The following VWF variants were observed in gnomAD, a reference collection of about 807,000 sequenced individuals.
The protein encoded by VWF is von Willebrand factor, also known as Factor VIII related antigen.
Under a neutral mutation model 308.6 loss-of-function variants are expected in VWF, and 176 were observed. The ratio of observed to expected loss-of-function variants is 0.57; its 90% CI spans 0.50 to 0.65. The LOEUF (loss-of-function observed/expected upper bound fraction) is 0.65, where lower values mean the gene tolerates loss of function less well. VWF is among the 30% of genes least tolerant of loss of function. The pLI is 0.00. For missense variants in VWF, 3,146 were observed against 3,648.2 expected (o/e 0.86, Z 3.55); for synonymous variants, 1,385 against 1,443.4 (o/e 0.96, Z 0.92).
chr12:6,018,445 G>C lies in VWF; in HGVS notation c.4973C>G (p.Pro1658Arg), dbSNP rs1202328622. ...PILIQDFETL[P>R]REAPDLVLQR... ...CAGCACCAGGTCAGGAGCCTCTCGG[G>C]GGAGCGTCTCAAAGTCCTGGATGAG... Residue 1658 changes from proline (P) to arginine (R), a missense_variant, in exon 28 of 52, where the codon CCC (proline) becomes CGC (arginine). Transcript: ENST00000261405. 6.2e-7 allele frequency: 1 copy of C among 1,613,080 alleles called. No homozygotes were observed. Among genetic ancestry groups the C allele is most frequent in the East Asian group, 2.2e-5 (1 of 44,842 alleles).
At chr12:6,089,962 CT>C (rs56198206) in intron 6 of VWF, among the ~76,000 whole-genome samples, 1 of 150,646 alleles carries the variant, frequency 6.6e-6, no homozygotes, top group African/African-American at 2.4e-5. Flanking sequence ...CCTCTTTTTT[CT>C]TTTTTTTTGT....
chr12:6,115,953 A>G (rs1945360191), intron 3 of VWF, among the ~76,000 whole-genome samples: 1 of 152,112 alleles, frequency 6.6e-6, no homozygotes, highest in African/African-American at 2.4e-5. Flanking sequence ...CCCTTTTTGC[A>G]ACACAAAGCT....
rs1044043913 is a variant in VWF at position 6,058,620 on chromosome 12, G to A, written c.1534-576C>T. ...CCACAACCTGCTGCCTGCCACTCAG[G>A]CCCTGGGCATCACTGAAGAGAAAGG... On this transcript the variant is annotated intron_variant, in intron 13 of 51. Transcript: ENST00000261405. The surrounding 1 kb of genome is among the most constrained non-coding windows in gnomAD (Gnocchi z 4.9). 5.9e-5 allele frequency among the ~76,000 whole-genome samples: 9 copies of A among 152,158 alleles called. No individual in the cohort carries two copies. The highest frequency in any genetic ancestry group is 1.7e-4 in the African/African-American group (7 of 41,432).
In VWF at chr12:5,953,506, A is replaced by G. The variant is rs1943217227; in HGVS notation, c.7976T>C (p.Met2659Thr). The G allele has an allele frequency of 6.2e-7, 1 of 1,614,116 alleles. No homozygotes were observed. The stretch of plus-strand genomic sequence containing the variant: ...TCAGCTTGCTCCTACCTTCAGTGTC[A>G]TGATCTGTCCTCCTCTTAGCTGAAT... ...CTIQLRGGQI[M>T]TLKRDETLQD... Residue 2659 changes from methionine to threonine, a missense_variant, in exon 48 of 52, where the codon ATG (methionine) becomes ACG (threonine). Physicochemically the swap from Met to Thr is moderately conservative, Grantham distance 81. Coordinates refer to ENST00000261405, the MANE Select transcript of VWF (RefSeq NM_000552.5).
At position 5,971,429 on chromosome 12, in the gene VWF, G is replaced by A. The variant is rs11063965; in HGVS notation, c.7548+170C>T. Among the ~76,000 whole-genome samples the A allele has an allele frequency of 0.67, 101,364 of 152,144 alleles. 34,521 individuals carry two copies. Among genetic ancestry groups the A allele is most frequent in the Middle Eastern group, 0.78 (229 of 294 alleles). On this transcript the variant is annotated intron_variant, in intron 44 of 51. Transcript: ENST00000261405. ...TGGGAAGGCTGAGGCCGTCTTAACT[G>A]GTTCCTAAGGGGCAGGTCATCCCAG...
At chr12:6,032,977 C>T (rs1944288887) in intron 20 of VWF, among the ~76,000 whole-genome samples, 2 of 151,306 alleles carry the variant, frequency 1.3e-5, no homozygotes, top group Admixed American at 1.3e-4. Context: ...CACAGTCACA[C>T]ACACGCACAT....
Position 6,018,060 on chromosome 12 carries a change from ATTT to A in VWF, c.5053+302_5053+304del, listed in dbSNP as rs67479635. ...GGCTGTGTGATAAAGTAAGACTTGC[ATTT>A]TTTTTTTTTTTTTACTCCTTATTGG... On this transcript the variant is annotated intron_variant, in intron 28 of 51. Coordinates refer to ENST00000261405, the MANE Select transcript of VWF (RefSeq NM_000552.5). 1.3e-4 allele frequency among the ~76,000 whole-genome samples: 19 copies of A among 146,482 alleles called. No homozygotes were observed. The East Asian group carries it at 2.0e-3, about 15-fold the overall frequency.
In VWF at chr12:6,075,470, C is replaced by G; in HGVS notation, c.739G>C (p.Val247Leu). The G allele has an allele frequency of 6.2e-7, 1 of 1,614,212 alleles. No individual in the cohort carries two copies. The highest frequency in any genetic ancestry group is 8.5e-7 in the Non-Finnish European group (1 of 1,180,044). Reference sequence around the variant, plus strand: ...CACAAAGTCTTCTCACACAGGGCCACAAAAGGCTCGGGGTCCACCAGAGGG... The same window carrying G: ...CACAAAGTCTTCTCACACAGGGCCAGAAAAGGCTCGGGGTCCACCAGAGGG... ...CHPLVDPEPFVALCEKTLCEC... is the reference protein window; with the variant it reads ...CHPLVDPEPFLALCEKTLCEC... Residue 247 changes from valine (V) to leucine (L), a missense_variant, in exon 7 of 52, where the codon GTG (valine) becomes CTG (leucine). Val to Leu is a conservative substitution (Grantham distance 32). Around this residue, in one of 3 missense-constraint regions of VWF, gnomAD observed 1,304 missense variants for 1,353.0 expected, o/e 0.96. Transcript: ENST00000261405. The surrounding 1 kb of genome is among the most constrained non-coding windows in gnomAD (Gnocchi z 4.7).
rs1225735704 is a variant in VWF, at chr12:5,951,935, G to A, written c.8116-52C>T. On this transcript the variant is annotated intron_variant, in intron 49 of 51. Coordinates refer to ENST00000261405, the MANE Select transcript of VWF (RefSeq NM_000552.5). ...AGGCACAAACAGTACAGAGTAGACAGCTTTCAGGTCACTCCGGGCCAATTT... is the reference window on the plus strand; with the variant it reads ...AGGCACAAACAGTACAGAGTAGACAACTTTCAGGTCACTCCGGGCCAATTT... 4 of 1,600,348 alleles carry A rather than the reference G, an allele frequency of 2.5e-6. No homozygotes were observed. The East Asian group carries it at 8.9e-5, about 36-fold the overall frequency.
intron 6 of VWF, among the ~76,000 whole-genome samples, chr12:6,082,253 C>T (rs1944921456): frequency 6.6e-6 from 1 of 152,290 alleles, no homozygotes; most frequent in African/African-American, 2.4e-5. Flanking sequence ...GCGTGAGCCA[C>T]CGCGCCTGGC....
chr12:5,969,057 C>G (rs993842902), intron 45 of VWF, among the ~76,000 whole-genome samples, 154 bp downstream of exon 45: 53 of 152,178 alleles, frequency 3.5e-4, no homozygotes, highest in African/African-American at 1.2e-3. Context: ...ATTTAATTTG[C>G]TTTCTCATAA....
Position 6,046,888 on chromosome 12 carries a change from C to A in VWF, c.2187-71G>T. On this transcript the variant is annotated intron_variant, in intron 16 of 51. Transcript: ENST00000261405. The surrounding 1 kb of genome is among the most constrained non-coding windows in gnomAD (Gnocchi z 5.0). ...ACTCGCTGCCTCCACATCTTCACCT[C>A]CCACTCACTCTCTGCCCCTTCCAAC... The A allele has an allele frequency of 7.3e-7, 1 of 1,378,582 alleles. No individual in the cohort carries two copies. Among genetic ancestry groups the A allele is most frequent in the South Asian group, 1.2e-5 (1 of 83,382 alleles). 85.4% of individuals were successfully genotyped at this position (1,378,582 alleles called of 1,614,324 possible).
In VWF at chr12:6,095,598, T is replaced by C. The variant is rs1945097530; in HGVS notation, c.533-14A>G. 1 of 1,613,982 alleles carries C rather than the reference T, an allele frequency of 6.2e-7. No homozygotes were observed. The highest frequency in any genetic ancestry group is 1.3e-5 in the African/African-American group (1 of 74,912). On this transcript the variant is annotated splice_polypyrimidine_tract_variant and intron_variant, in intron 5 of 51. Coordinates refer to ENST00000261405, the MANE Select transcript of VWF (RefSeq NM_000552.5). ...AGGTCAAGGTCCCTGTGGAGGAAAGTTTCAGGAAAGTAATGCTTCAGTTAT... is the reference window on the plus strand; with the variant it reads ...AGGTCAAGGTCCCTGTGGAGGAAAGCTTCAGGAAAGTAATGCTTCAGTTAT...
chr12:5,956,508 A>T (rs1012256158), intron 47 of VWF, among the ~76,000 whole-genome samples: 1 of 152,080 alleles, frequency 6.6e-6, no homozygotes, highest in Non-Finnish European at 1.5e-5. Flanking sequence ...GTTTAAAGAT[A>T]AAAAAATGCC....
At chr12:5,963,064 G>A (rs1943337848) in intron 47 of VWF, among the ~76,000 whole-genome samples, 1 of 152,018 alleles carries the variant, frequency 6.6e-6, no homozygotes, top group African/African-American at 2.4e-5. Flanking sequence ...ACCTTAGAAT[G>A]GACAAAAACT....
intron 34 of VWF, among the ~76,000 whole-genome samples, chr12:5,999,000 GGC>G (rs1371877799): frequency 1.3e-5 from 2 of 152,194 alleles, no homozygotes; most frequent in Admixed American, 1.3e-4. Flanking sequence ...TGGGATTACA[GGC>G]GTGAGCCACT....
At chr12:6,049,194 T>C (rs994355344) in intron 16 of VWF, among the ~76,000 whole-genome samples, 1 of 152,130 alleles carries the variant, frequency 6.6e-6, no homozygotes, top group Non-Finnish European at 1.5e-5. Flanking sequence ...GTCTAAAGAA[T>C]AAAAATAAAC....
rs535148758 is a variant in VWF at position 5,998,264 on chromosome 12, C to T, written c.5843-2042G>A. Among the ~76,000 whole-genome samples the T allele has an allele frequency of 9.8e-4, 148 of 151,160 alleles. 1 individual carries two copies. Among genetic ancestry groups the T allele is most frequent in the African/African-American group, 3.2e-3 (133 of 41,212 alleles). On this transcript the variant is annotated intron_variant, in intron 34 of 51. Coordinates refer to ENST00000261405, the MANE Select transcript of VWF (RefSeq NM_000552.5). The stretch of plus-strand genomic sequence containing the variant: ...CTGTAATCTCAGCACTTTGGAAGGC[C>T]GAGGCGGGCGGATCACAAGGTCAGG...
At chr12:6,103,352 A>G (rs182687092) in intron 5 of VWF, among the ~76,000 whole-genome samples, 23 of 144,208 alleles carry the variant, frequency 1.6e-4, no homozygotes, top group East Asian at 7.9e-4. Context: ...ATATGTGTGT[A>G]TATATACATA....
Sources: gnomAD v4.1 joint callset for allele counts (sites outside exome capture counted in the v4.1 genomes callset) on GRCh38, gnomAD v4.1.1 for gene constraint, gnomAD v4.1.1 regional missense constraint, Gnocchi (gnomAD v3.1) non-coding constraint, MANE v1.5 for transcripts, NCBI Gene and HGNC (gene_info 2026-07-23, HGNC 2026-07-21) for gene names.